Variants in ELAVL4 observed in about 807,000 individuals in gnomAD.
ELAVL4 encodes ELAV like RNA binding protein 4.
In ELAVL4, 1 loss-of-function variant was observed where a neutral mutation model predicts 35.6. The ratio of observed to expected loss-of-function variants is 0.03; its 90% CI spans 0.01 to 0.13. The LOEUF is 0.13. Among genes scored for constraint, ELAVL4 ranks in the 10% least tolerant of loss-of-function variants. ELAVL4 has a pLI of 1.00. For synonymous variants in ELAVL4, 156 were observed against 171.0 expected (o/e 0.91, Z 0.69); for missense variants, 267 against 464.9 (o/e 0.57, Z 3.91).
At chr1:50,081,912 G>T (rs1278771475) in intron 1 of ELAVL4, among the ~76,000 whole-genome samples, 6 of 151,976 alleles carry the variant, frequency 3.9e-5, no homozygotes, top group African/African-American at 1.5e-4. Context: ...TCCCATTTAT[G>T]AGTGAGAACA....
chr1:50,132,737 A>G (rs1671073715), intron 1 of ELAVL4, among the ~76,000 whole-genome samples: 1 of 152,168 alleles, frequency 6.6e-6, no homozygotes, highest in Non-Finnish European at 1.5e-5. Context: ...CATTTTTAAT[A>G]CTGTGACTCC....
chr1:50,067,896 T>A (rs1290285834), intron 1 of ELAVL4, among the ~76,000 whole-genome samples: 2 of 152,056 alleles, frequency 1.3e-5, no homozygotes, highest in Non-Finnish European at 2.9e-5. Flanking sequence ...AAGCCCCTTA[T>A]AAAACCATCA....
intron 3 of ELAVL4, among the ~76,000 whole-genome samples, chr1:50,187,040 G>A (rs1681939987): frequency 6.6e-6 from 1 of 152,172 alleles, no homozygotes; most frequent in African/African-American, 2.4e-5. Flanking sequence ...GTAGGTCCTT[G>A]AGAGGATTTG....
intron 3 of ELAVL4, among the ~76,000 whole-genome samples, chr1:50,189,729 G>T (rs1331223865): frequency 6.6e-6 from 1 of 152,188 alleles, no homozygotes; most frequent in Non-Finnish European, 1.5e-5. Flanking sequence ...ATATGTGTAA[G>T]TATCTACTAA....
intron 1 of ELAVL4, among the ~76,000 whole-genome samples, chr1:50,127,999 C>CTTTGGA (rs979941926): frequency 5.9e-5 from 9 of 151,824 alleles, no homozygotes; most frequent in African/African-American, 1.9e-4. Flanking sequence ...CCCCCATTGG[C>CTTTGGA]TTTGGCTTTG....
chr1:50,157,136 G>A (rs1393792149), intron 2 of ELAVL4, among the ~76,000 whole-genome samples: 4 of 152,122 alleles, frequency 2.6e-5, no homozygotes, highest in Non-Finnish European at 5.9e-5. Flanking sequence ...TAATTTCTGA[G>A]ATTTTTTTTA....
At chr1:50,089,587 TA>T (rs1370728702) in intron 1 of ELAVL4, among the ~76,000 whole-genome samples, 4 of 152,024 alleles carry the variant, frequency 2.6e-5, no homozygotes, top group Non-Finnish European at 5.9e-5. Context: ...ACACCATCTC[TA>T]CAAAAAAGTT....
intron 3 of ELAVL4, among the ~76,000 whole-genome samples, chr1:50,187,805 A>C (rs1682054711): frequency 6.6e-6 from 1 of 152,148 alleles, no homozygotes; most frequent in Non-Finnish European, 1.5e-5. Flanking sequence ...ACTTTTCAAC[A>C]ATTAATGAGG....
intron 1 of ELAVL4, among the ~76,000 whole-genome samples, chr1:50,075,807 A>G (rs1261846263): frequency 6.7e-6 from 1 of 149,804 alleles, no homozygotes; most frequent in Non-Finnish European, 1.5e-5. Context: ...GACTTATGAT[A>G]TAGATATAGA....
intron 1 of ELAVL4, among the ~76,000 whole-genome samples, chr1:50,123,836 C>A (rs1185347777): frequency 6.6e-6 from 1 of 152,038 alleles, no homozygotes. Context: ...CCTGTGTCAC[C>A]CAGAAAGGCT....
At chr1:50,107,249 G>T (rs1157301407), upstream of ELAVL4, among the ~76,000 whole-genome samples, 1 of 152,176 alleles carries the variant, frequency 6.6e-6, no homozygotes, top group Non-Finnish European at 1.5e-5. Context: ...ATTTGCTAAA[G>T]AAATTACTTT....
chr1:50,062,213 T>A (rs1415110000), intron 1 of ELAVL4, among the ~76,000 whole-genome samples: 1 of 152,116 alleles, frequency 6.6e-6, no homozygotes, highest in African/African-American at 2.4e-5. Context: ...CACAATCTTG[T>A]GGAGAAAACA....
chr1:50,116,099 TAAGGTTTC>T (rs1366197753), intron 1 of ELAVL4, among the ~76,000 whole-genome samples: 1 of 152,170 alleles, frequency 6.6e-6, no homozygotes, highest in Non-Finnish European at 1.5e-5. Flanking sequence ...TTTTAGTCTA[TAAGGTTTC>T]ATGTGTCCAC....
intron 1 of ELAVL4, among the ~76,000 whole-genome samples, chr1:50,132,061 G>A (rs762138229): frequency 1.4e-4 from 22 of 152,082 alleles, no homozygotes; most frequent in Admixed American, 3.3e-4. Flanking sequence ...CAGAGCAGAC[G>A]TAAGTATTCC....
intron 2 of ELAVL4, among the ~76,000 whole-genome samples, chr1:50,167,344 G>A (rs935948832): frequency 7.2e-5 from 11 of 152,184 alleles, no homozygotes; most frequent in Non-Finnish European, 1.6e-4. Context: ...GCAATGTTGT[G>A]TGGAATACCA....
chr1:50,062,012 A>T (rs1261573487), intron 1 of ELAVL4, among the ~76,000 whole-genome samples: 2 of 152,232 alleles, frequency 1.3e-5, no homozygotes, highest in Non-Finnish European at 2.9e-5. Flanking sequence ...ACTGAGGCAC[A>T]GAGAAATGGC....
In ELAVL4 at chr1:50,163,777, T is replaced by C. The variant is rs957205568; in HGVS notation, c.251-13312T>C. 2.0e-5 allele frequency among the ~76,000 whole-genome samples: 3 copies of C among 152,158 alleles called. No homozygotes were observed. In the South Asian group the frequency reaches 6.2e-4, roughly 32 times the overall value. On this transcript the variant is annotated intron_variant, in intron 2 of 6. Coordinates refer to ENST00000371824, the MANE Select transcript of ELAVL4 (RefSeq NM_001144774.3). ...GGAAGCAGAGGTTGCAGTGAGCCCA[T>C]ATCATGCCACTGCTCCCCAGCCTAG...
chr1:50,111,288 C>G (rs1383132721), intron 1 of ELAVL4, among the ~76,000 whole-genome samples: 1 of 148,982 alleles, frequency 6.7e-6, no homozygotes, highest in Non-Finnish European at 1.5e-5. Context: ...ATTGTACATG[C>G]GAAAAATCGC....
chr1:50,060,175 T>G (rs947308891), intron 1 of ELAVL4, among the ~76,000 whole-genome samples: 5 of 152,226 alleles, frequency 3.3e-5, no homozygotes, highest in African/African-American at 1.2e-4. Flanking sequence ...CCCTAAAGTT[T>G]ACCTGTCATA....
Sources: gnomAD v4.1 joint callset for allele counts (sites outside exome capture counted in the v4.1 genomes callset) on GRCh38, gnomAD v4.1.1 for gene constraint, MANE v1.5 for transcripts, NCBI Gene and HGNC (gene_info 2026-07-23, HGNC 2026-07-21) for gene names.